The following PTK2 variants were observed in gnomAD, a reference collection of about 807,000 sequenced individuals.
PTK2 encodes protein tyrosine kinase 2, also known as focal adhesion kinase 1.
In PTK2, 45 loss-of-function variants were observed where a neutral mutation model predicts 150.1. That is an observed-to-expected ratio of 0.30 (90% CI 0.24 to 0.38). The LOEUF is 0.38. Among genes scored for constraint, PTK2 ranks in the 10% least tolerant of loss-of-function variants. The pLI, the probability that PTK2 is intolerant of heterozygous loss-of-function variation, is 1.00. For missense variants in PTK2, 919 were observed against 1,307.3 expected (o/e 0.70, Z 4.58); for synonymous variants, 432 against 449.2 (o/e 0.96, Z 0.48).
chr8:140,682,272 C>G (rs953881607), intron 27 of PTK2, among the ~76,000 whole-genome samples: 1 of 152,132 alleles, frequency 6.6e-6, no homozygotes, highest in Non-Finnish European at 1.5e-5. Flanking sequence ...GTCCTAGCTA[C>G]TCAGGAGGCT....
intron 22 of PTK2, among the ~76,000 whole-genome samples, chr8:140,729,765 C>T (rs1479642745): frequency 1.3e-5 from 2 of 152,140 alleles, no homozygotes; most frequent in East Asian, 3.9e-4. Context: ...AGCCAATAAA[C>T]ATCAAGGCAG....
At chr8:140,746,888 CTTTCT>C in intron 17 of PTK2, 28 bp from the exon 21 acceptor site, 4 of 1,135,862 alleles carry the variant, frequency 3.5e-6, no homozygotes, top group Admixed American at 2.4e-5. Flanking sequence ...CATAGTTATT[CTTTCT>C]TTTTTTTTTT....
At chr8:140,940,979 T>A (rs1022209339) in intron 1 of PTK2, among the ~76,000 whole-genome samples, 8 of 151,800 alleles carry the variant, frequency 5.3e-5, no homozygotes, top group East Asian at 1.9e-4. Context: ...TCAAAAAAAA[T>A]TTTTTTAATT....
chr8:140,901,360 G>A lies in PTK2; in HGVS notation c.-32-10591C>T, dbSNP rs920206431. On this transcript the variant is annotated intron_variant, in intron 2 of 31. Transcript: ENST00000522684. The stretch of plus-strand genomic sequence containing the variant: ...GGAAACACTTCTGGACACTGATCTC[G>A]ACAAGGATTTTTCAACTTAAGACCT... Among the ~76,000 whole-genome samples the A allele has an allele frequency of 7.2e-5, 11 of 152,030 alleles. No individual in the cohort carries two copies. In the East Asian group the frequency reaches 1.2e-3, roughly 16 times the overall value.
At chr8:140,887,294 A>G (rs1000320566) in intron 3 of PTK2, among the ~76,000 whole-genome samples, 1 of 152,192 alleles carries the variant, frequency 6.6e-6, no homozygotes, top group African/African-American at 2.4e-5. Context: ...ATGGTTTCAC[A>G]TCTACAGAAA....
At chr8:140,764,686 T>C (rs1033463499) in intron 14 of PTK2, among the ~76,000 whole-genome samples, 12 of 152,224 alleles carry the variant, frequency 7.9e-5, no homozygotes, top group African/African-American at 2.9e-4. Context: ...CTGGTATCTA[T>C]AAAACACGGT....
At chr8:140,898,762 C>A (rs997290713) in intron 2 of PTK2, among the ~76,000 whole-genome samples, 4 of 152,148 alleles carry the variant, frequency 2.6e-5, no homozygotes, top group African/African-American at 9.7e-5. Context: ...AAGATAACTA[C>A]CTCATTATGC....
intron 17 of PTK2, among the ~76,000 whole-genome samples, chr8:140,751,388 A>G (rs1437674836): frequency 6.6e-6 from 1 of 152,148 alleles, no homozygotes; most frequent in East Asian, 1.9e-4. Flanking sequence ...CATGTTGCCC[A>G]GGCTGGTCTC....
At chr8:140,733,700 T>C (rs2100050884) in intron 22 of PTK2, among the ~76,000 whole-genome samples, 1 of 152,152 alleles carries the variant, frequency 6.6e-6, no homozygotes, top group African/African-American at 2.4e-5. Context: ...GAACTGAAGA[T>C]TTTTGGCTTG....
At chr8:140,681,857 AC>A (rs1235706660) in intron 27 of PTK2, among the ~76,000 whole-genome samples, 7 of 152,224 alleles carry the variant, frequency 4.6e-5, no homozygotes, top group Non-Finnish European at 1.0e-4. Context: ...GCAGGCTTTA[AC>A]CTATTTATGC....
chr8:140,729,558 G>A (rs2100047991), intron 22 of PTK2, among the ~76,000 whole-genome samples: 1 of 152,188 alleles, frequency 6.6e-6, no homozygotes, highest in Admixed American at 6.5e-5. Context: ...CCGTGGGTAG[G>A]GCCTCTGTGC....
intron 4 of PTK2, among the ~76,000 whole-genome samples, chr8:140,869,648 T>C (rs2100141367): frequency 1.3e-5 from 2 of 151,906 alleles, no homozygotes; most frequent in African/African-American, 2.4e-5. Flanking sequence ...AAGCAAAGAA[T>C]AGAGAATGAA....
intron 6 of PTK2, 23 bp downstream of exon 6, chr8:140,846,574 CCG>C: frequency 6.6e-7 from 1 of 1,522,260 alleles, no homozygotes; most frequent in Non-Finnish European, 9.0e-7. Context: ...TAAATAAAGG[CCG>C]CAATGTATAG....
chr8:140,767,377 A>G (rs1193518209), intron 14 of PTK2, among the ~76,000 whole-genome samples: 3 of 152,184 alleles, frequency 2.0e-5, no homozygotes, highest in African/African-American at 7.2e-5. Flanking sequence ...ATGTGAATAG[A>G]GAATTCATGG....
intron 2 of PTK2, among the ~76,000 whole-genome samples, chr8:140,898,730 C>T (rs1009571205): frequency 6.6e-6 from 1 of 152,104 alleles, no homozygotes; most frequent in East Asian, 1.9e-4. Context: ...TTTATAATTA[C>T]TGTACATGTT....
chr8:140,746,559 C>T, intron 18 of PTK2: 1 of 420,318 alleles, frequency 2.4e-6, no homozygotes, highest in South Asian at 6.1e-5. Flanking sequence ...ATATTGCTGC[C>T]AGTACTGCAT....
chr8:140,819,020 C>T (rs774549861), exon 9 of PTK2: 1 of 1,610,194 alleles, frequency 6.2e-7, no homozygotes, highest in Admixed American at 1.7e-5. Context: ...AGTGTTTTGG[C>T]CTGCATGACA....
chr8:140,989,618 T>G (rs1282175956), intron 1 of PTK2, among the ~76,000 whole-genome samples: 5 of 151,454 alleles, frequency 3.3e-5, no homozygotes, highest in African/African-American at 1.2e-4. Flanking sequence ...TTTTAAAAAG[T>G]GCAACCTCGG....
chr8:140,717,726 T>C lies in PTK2; in HGVS notation c.2031-17A>G. ...AGGATTGTGCTAGAGAGACAACACA[T>C]TGTCTTAGGGGAGCTGACAACCCAG... is the stretch of plus-strand genomic sequence containing the variant. On this transcript the variant is annotated splice_polypyrimidine_tract_variant and intron_variant, in intron 22 of 31. Coordinates refer to ENST00000522684, the Ensembl canonical transcript of PTK2. 2 of 1,606,558 alleles carry C rather than the reference T, an allele frequency of 1.2e-6. No individual in the cohort carries two copies. Among genetic ancestry groups the C allele is most frequent in the South Asian group, 1.1e-5 (1 of 90,926 alleles).
Sources: allele counts gnomAD v4.1 joint callset (sites outside exome capture counted in the v4.1 genomes callset), GRCh38; gene constraint gnomAD v4.1.1; transcripts MANE v1.5; gene names NCBI Gene and HGNC (gene_info 2026-07-23, HGNC 2026-07-21).